EIF2B2: variants seen among roughly 807,000 people sequenced by gnomAD.
EIF2B2 encodes the protein eukaryotic translation initiation factor 2B subunit beta, also known as translation initiation factor eIF2B subunit beta.
EIF2B2 carries 34 observed loss-of-function variants against 34.7 expected under a neutral mutation model. That is an observed-to-expected ratio of 0.98 (90% CI 0.75 to 1.31). The LOEUF (loss-of-function observed/expected upper bound fraction) is 1.31, where lower values mean the gene tolerates loss of function less well. Ranked by LOEUF, EIF2B2 falls within the 50% of genes most tolerant of loss-of-function variation. The pLI, the probability that EIF2B2 is intolerant of heterozygous loss-of-function variation, is 0.00. For synonymous variants in EIF2B2, 155 were observed against 171.6 expected (o/e 0.90, Z 0.76); for missense variants, 361 against 447.7 (o/e 0.81, Z 1.75).
At position 75,006,851 on chromosome 14, in the gene EIF2B2, A is replaced by G; in HGVS notation, c.831+137A>G. The G allele has an allele frequency of 7.7e-7, 1 of 1,293,148 alleles. No homozygotes were observed. 80.1% of individuals were successfully genotyped at this position (1,293,148 alleles called of 1,614,324 possible). ...TTACTCAATGGATTACACCCAGTGG[A>G]GGCTGGAAAGAACCACAGAAGTCTT... On this transcript the variant is annotated intron_variant, in intron 6 of 7. Transcript: ENST00000266126. The surrounding 1 kb of genome is among the most constrained non-coding windows in gnomAD (Gnocchi z 4.1).
intron 7 of EIF2B2, 141 bp from the exon 8 acceptor site, chr14:75,008,890 T>A: frequency 1.0e-6 from 1 of 990,538 alleles, no homozygotes. Flanking sequence ...TGAAGTCATC[T>A]CTTCTGGTTT....
intron 4 of EIF2B2, 58 bp downstream of exon 4, chr14:75,004,958 G>A (rs1287082626): frequency 5.7e-6 from 9 of 1,577,022 alleles, no homozygotes; most frequent in Admixed American, 3.4e-5. Context: ...AGAAATAAAC[G>A]AGAGATGGGT....
Position 75,007,770 on chromosome 14 carries a change from G to A in EIF2B2, c.880G>A (p.Val294Ile). 1 of 1,613,906 alleles carries A rather than the reference G, an allele frequency of 6.2e-7. No individual in the cohort carries two copies. The stretch of plus-strand genomic sequence containing the variant: ...TCATAAGTTTGTGGCTCCTGAAGAA[G>A]TCCTGCCATTCACAGAAGGTACAGA... The part of the protein sequence containing the change: ...SFHKFVAPEE[V>I]LPFTEGDILE... The change falls in exon 7 of 8, where the codon GTC (valine) becomes ATC (isoleucine). Residue 294 changes from valine (V) to isoleucine (I), a missense_variant. Val to Ile is a conservative substitution (Grantham distance 29, BLOSUM62 3). Coordinates refer to ENST00000266126, the MANE Select transcript of EIF2B2 (RefSeq NM_014239.4).
At chr14:75,007,681 A>G (rs1889647001) in intron 6 of EIF2B2, 41 bp from the exon 7 acceptor site, 2 of 1,534,912 alleles carry the variant, frequency 1.3e-6, no homozygotes, top group East Asian at 4.5e-5. Flanking sequence ...TAGGAGTGGA[A>G]TTGCTGGGTC....
In EIF2B2 at chr14:75,012,032, TTTA is replaced by T. The variant is rs1483798539; in HGVS notation, c.*2845_*2847del. On this transcript the variant is annotated 3_prime_UTR_variant, in exon 8 of 8. Coordinates refer to ENST00000266126, the MANE Select transcript of EIF2B2 (RefSeq NM_014239.4). ...AACAGAACTGCAGGAATGCATACTT[TTTA>T]GAATCTTTATGACCCCAATTAAGTA... is the stretch of plus-strand genomic sequence containing the variant. The T allele has an allele frequency of 6.6e-6, 1 of 152,214 alleles. No individual in the cohort carries two copies. Among genetic ancestry groups the T allele is most frequent in the Non-Finnish European group, 1.5e-5 (1 of 68,036 alleles). The allele number at this position is 152,214 out of a possible 1,614,324, so 9.4% of individuals were successfully genotyped here.
chr14:75,005,624 T>G (rs569862123), intron 4 of EIF2B2, among the ~76,000 whole-genome samples: 36 of 152,348 alleles, frequency 2.4e-4, no homozygotes, highest in African/African-American at 8.4e-4. Flanking sequence ...TTTCCAGTTT[T>G]ATGGCTGCTC....
chr14:75,008,512 G>A, intron 7 of EIF2B2: 2 of 226,744 alleles, frequency 8.8e-6, no homozygotes, highest in South Asian at 1.5e-4. Flanking sequence ...TATTGTGGAA[G>A]ACAGATGAGA....
chr14:75,005,152 G>A, intron 4 of EIF2B2: 2 of 412,324 alleles, frequency 4.9e-6, no homozygotes, highest in Middle Eastern at 7.9e-4. Flanking sequence ...CTGGGCGGGT[G>A]GATTACCTGA....
Position 75,006,735 on chromosome 14 carries a change from C to A in EIF2B2, c.831+21C>A, listed in dbSNP as rs1427588728. The A allele has an allele frequency of 6.2e-7, 1 of 1,614,056 alleles. No homozygotes were observed. The highest frequency in any genetic ancestry group is 1.7e-5 in the Admixed American group (1 of 60,028). On this transcript the variant is annotated intron_variant, in intron 6 of 7. Transcript: ENST00000266126. The surrounding 1 kb of genome is among the most constrained non-coding windows in gnomAD (Gnocchi z 4.1). ...CACAGGTAAGTGTGTCTGTCTCTAG[C>A]TAGAAGCCAGCAGAAAAGAAGGAAG...
intron 4 of EIF2B2, among the ~76,000 whole-genome samples, chr14:75,005,390 A>C (rs973921984): frequency 3.3e-5 from 5 of 152,020 alleles, no homozygotes; most frequent in African/African-American, 1.2e-4. Flanking sequence ...AAAAAAAAAA[A>C]AGATGGCGAG....
In EIF2B2 at chr14:75,006,516, C is replaced by T. The variant is rs1397432588; in HGVS notation, c.694-61C>T. 6.2e-6 allele frequency: 10 copies of T among 1,606,272 alleles called. No individual in the cohort carries two copies. The Admixed American group carries it at 1.0e-4, about 16-fold the overall frequency. ...GGTCTAAGCATTTAGCTTTTTGTGG[C>T]CAGTGGCCCTTTTAGGGCTCCACCC... On this transcript the variant is annotated intron_variant, in intron 5 of 7. Coordinates refer to ENST00000266126, the MANE Select transcript of EIF2B2 (RefSeq NM_014239.4). This position sits in a 1 kb window ranked among gnomAD's most constrained non-coding sequence, Gnocchi z 4.1.
chr14:75,007,614 G>C (rs1460341357), intron 6 of EIF2B2, 108 bp from the exon 7 acceptor site: 20 of 904,776 alleles, frequency 2.2e-5, no homozygotes, highest in Non-Finnish European at 3.3e-5. Flanking sequence ...GCTGCTATAA[G>C]CATCTGTGTA....
chr14:75,009,295 T>G lies in EIF2B2; in HGVS notation c.*107T>G. On this transcript the variant is annotated 3_prime_UTR_variant, in exon 8 of 8. Transcript: ENST00000266126. The stretch of plus-strand genomic sequence containing the variant: ...CTTGCAATGTGGGAGTGCACAGGAG[T>G]CCACCTAAAAAAAAAATCCTTGATA... 2 of 1,416,384 alleles carry G rather than the reference T, an allele frequency of 1.4e-6. No individual in the cohort carries two copies. Among genetic ancestry groups the G allele is most frequent in the South Asian group, 2.3e-5 (2 of 86,278 alleles). 87.7% of individuals were successfully genotyped at this position (1,416,384 alleles called of 1,614,324 possible).
intron 3 of EIF2B2, among the ~76,000 whole-genome samples, chr14:75,004,136 C>T (rs1889584501): frequency 6.6e-6 from 1 of 152,320 alleles, no homozygotes; most frequent in East Asian, 1.9e-4. Context: ...TTCCAAATTG[C>T]TCCCCCATTT....
At position 75,011,741 on chromosome 14, in the gene EIF2B2, C is replaced by G. The variant is rs991601008; in HGVS notation, c.*2553C>G. 5 of 152,166 alleles carry G rather than the reference C, an allele frequency of 3.3e-5. No homozygotes were observed. Among genetic ancestry groups the G allele is most frequent in the Non-Finnish European group, 5.9e-5 (4 of 68,032 alleles). The allele number at this position is 152,166 out of a possible 1,614,324, so 9.4% of individuals were successfully genotyped here. ...TCTCAGTGAAGTGGCTTGTAGCTAC[C>G]AATTACGAGCAATTGTCTCCTCCAA... On this transcript the variant is annotated 3_prime_UTR_variant, in exon 8 of 8. Coordinates refer to ENST00000266126, the MANE Select transcript of EIF2B2 (RefSeq NM_014239.4).
Position 75,010,801 on chromosome 14 carries a change from G to T in EIF2B2, c.*1613G>T, listed in dbSNP as rs1889693995. Reference sequence around the variant, plus strand: ...TAAAAGAATGGGACAGATTTGCAAGGAAGTCCATTTGATACTCTGTTAGTT... The same window carrying T: ...TAAAAGAATGGGACAGATTTGCAAGTAAGTCCATTTGATACTCTGTTAGTT... On this transcript the variant is annotated 3_prime_UTR_variant, in exon 8 of 8. Transcript: ENST00000266126. The T allele has an allele frequency of 6.6e-6, 1 of 152,146 alleles. No individual in the cohort carries two copies. Among genetic ancestry groups the T allele is most frequent in the Non-Finnish European group, 1.5e-5 (1 of 68,038 alleles). 9.4% of individuals were successfully genotyped at this position (152,146 alleles called of 1,614,324 possible). A position where few individuals can be genotyped will look rare whatever the true frequency, so the allele number is the denominator to read the frequency against.
intron 2 of EIF2B2, 76 bp from the exon 3 acceptor site, chr14:75,003,475 T>C (rs1889572312): frequency 3.7e-6 from 6 of 1,614,138 alleles, no homozygotes; most frequent in Non-Finnish European, 4.2e-6. Context: ...GGAGACTTTA[T>C]TGGAGCTGAA....
chr14:75,003,350 A>G lies in EIF2B2; in HGVS notation c.239A>G (p.Asn80Ser), dbSNP rs746456163. Residue 80 changes from asparagine (N) to serine (S), a missense_variant, in exon 2 of 8, where the codon AAC (asparagine) becomes AGC (serine). Coordinates refer to ENST00000266126, the MANE Select transcript of EIF2B2 (RefSeq NM_014239.4). ...AAQPSETTVG[N>S]MVRRVLKIIR... ...CAGCCCTCCGAGACCACCGTGGGCA[A>G]CATGGTGCGGAGAGTGCTCAAGATT... 1.9e-6 allele frequency: 3 copies of G among 1,614,002 alleles called. No individual in the cohort carries two copies. The highest frequency in any genetic ancestry group is 1.7e-6 in the Non-Finnish European group (2 of 1,180,002).
At position 75,002,977 on chromosome 14, in the gene EIF2B2, C is replaced by T. The variant is rs1481725519; in HGVS notation, c.-14C>T. 1 of 1,613,916 alleles carries T rather than the reference C, an allele frequency of 6.2e-7. No individual in the cohort carries two copies. On this transcript the variant is annotated 5_prime_UTR_variant, in exon 1 of 8. Transcript: ENST00000266126. ...GGATTCCGCCGGTGAAGGCTGAAGG[C>T]AGCTACCTTAAAGATGCCGGGATCC...
Sources: allele counts gnomAD v4.1 joint callset (sites outside exome capture counted in the v4.1 genomes callset), GRCh38; gene constraint gnomAD v4.1.1; non-coding constraint Gnocchi (gnomAD v3.1); transcripts MANE v1.5; gene names NCBI Gene and HGNC (gene_info 2026-07-23, HGNC 2026-07-21).